LYRM4: variants seen among roughly 807,000 people sequenced by gnomAD.
LYRM4 encodes the protein LYR motif-containing protein 4.
Under a neutral mutation model 11.7 loss-of-function variants are expected in LYRM4, and 9 were observed. That is an observed-to-expected ratio of 0.77 (90% confidence interval 0.46 to 1.34). LYRM4 has a LOEUF of 1.34. LYRM4 is among the 40% of genes most tolerant of loss of function. LYRM4 has a pLI of 0.00. For synonymous variants in LYRM4, 42 were observed against 40.4 expected (o/e 1.04, Z -0.15); for missense variants, 133 against 112.5 (o/e 1.18, Z -0.82).
chr6:5,100,310 C>A (rs533660928), downstream of LYRM4, among the ~76,000 whole-genome samples: 2 of 152,124 alleles, frequency 1.3e-5, no homozygotes, highest in South Asian at 2.1e-4. Context: ...GAAGCCAGGA[C>A]GTATGGAGCC....
chr6:5,232,941 G>A (rs1763327145), intron 1 of LYRM4, among the ~76,000 whole-genome samples: 1 of 152,176 alleles, frequency 6.6e-6, no homozygotes, highest in South Asian at 2.1e-4. Flanking sequence ...ACTTAACTGA[G>A]TTCCATCTTA....
At chr6:5,237,359 C>T (rs536236290) in intron 1 of LYRM4, among the ~76,000 whole-genome samples, 1 of 151,912 alleles carries the variant, frequency 6.6e-6, no homozygotes, top group Non-Finnish European at 1.5e-5. Flanking sequence ...AATCTAACGC[C>T]TGAAGATCTG....
intron 2 of LYRM4, among the ~76,000 whole-genome samples, chr6:5,182,027 C>A (rs138722064): frequency 7.9e-5 from 12 of 152,306 alleles, no homozygotes; most frequent in South Asian, 2.1e-4. Flanking sequence ...TACCTCCCCC[C>A]CAATCCCCAG....
rs564037752 is a variant in LYRM4 at position 5,201,071 on chromosome 6, T to C, written c.207+15547A>G. ...ATCATGGTTGTTTTGAGATTGGTTA[T>C]GGTTTTTCTTTCCAAATATTACAAG... On this transcript the variant is annotated intron_variant, in intron 2 of 2. Transcript: ENST00000330636. Among the ~76,000 whole-genome samples, 4 of 152,354 alleles carry C rather than the reference T, an allele frequency of 2.6e-5. No individual in the cohort carries two copies. The East Asian group carries it at 5.8e-4, about 22-fold the overall frequency.
At chr6:5,107,279 A>G (rs981267198), downstream of LYRM4, 1 of 152,252 alleles carries the variant, frequency 6.6e-6, no homozygotes, top group Non-Finnish European at 1.5e-5. Context: ...GGACTGCCTC[A>G]TTGCGTAAAA....
Position 5,136,496 on chromosome 6 carries a change from C to T in LYRM4, c.208-27005G>A, listed in dbSNP as rs1310068088. 16 of 941,092 alleles carry T rather than the reference C, an allele frequency of 1.7e-5. 1 individual carries two copies. The highest frequency in any genetic ancestry group is 1.1e-3 in the Middle Eastern group (2 of 1,846). 58.3% of individuals were successfully genotyped at this position (941,092 alleles called of 1,614,324 possible). Reference sequence around the variant, plus strand: ...TCCGAAACCTTGGGTTTCACCTAACCCTGTAGTCTCAGTTTCCTTACCTAC... The same window carrying T: ...TCCGAAACCTTGGGTTTCACCTAACTCTGTAGTCTCAGTTTCCTTACCTAC... On this transcript the variant is annotated intron_variant, in intron 2 of 2. Transcript: ENST00000330636.
the LYRM4 span, among the ~76,000 whole-genome samples, chr6:5,058,463 C>T: frequency 6.6e-6 from 1 of 152,228 alleles, no homozygotes; most frequent in African/African-American, 2.4e-5. Flanking sequence ...CACAGGGCCA[C>T]AGAGAGTTGA....
intron 1 of LYRM4, among the ~76,000 whole-genome samples, chr6:5,256,955 A>G (rs1461742750): frequency 6.6e-6 from 1 of 151,906 alleles, no homozygotes; most frequent in Admixed American, 6.6e-5. Flanking sequence ...AGTTCCAACA[A>G]TTTTCCCTTC....
intron 1 of LYRM4, among the ~76,000 whole-genome samples, chr6:5,246,254 G>A (rs574078062): frequency 6.6e-5 from 10 of 152,322 alleles, no homozygotes; most frequent in Admixed American, 6.5e-4. Context: ...GACATGAAGA[G>A]TAGACAGGAA....
intron 2 of LYRM4, among the ~76,000 whole-genome samples, chr6:5,110,792 T>C (rs1171341268): frequency 6.6e-6 from 1 of 152,210 alleles, no homozygotes; most frequent in African/African-American, 2.4e-5. Flanking sequence ...TCTTCAGTCG[T>C]CCTTTCCTCT....
intron 2 of LYRM4, among the ~76,000 whole-genome samples, chr6:5,213,995 G>C (rs71555883): frequency 0.049 from 7,437 of 152,270 alleles, 585 homozygotes; most frequent in African/African-American, 0.16. Flanking sequence ...TGCTCAGAGT[G>C]ACATAGCTAG....
intron 2 of LYRM4, among the ~76,000 whole-genome samples, chr6:5,126,361 T>C (rs1223629670): frequency 1.3e-5 from 2 of 152,116 alleles, no homozygotes; most frequent in African/African-American, 4.8e-5. Flanking sequence ...CCTGGGGAGA[T>C]CGGCAGTGTA....
chr6:5,218,806 T>TA (rs1432766486), intron 1 of LYRM4, among the ~76,000 whole-genome samples: 1 of 152,258 alleles, frequency 6.6e-6, no homozygotes, highest in Admixed American at 6.5e-5. Context: ...GTGCAGCTGC[T>TA]AATCTAACAA....
At chr6:5,086,461 C>T in the LYRM4 span, 4 of 1,536,954 alleles carry the variant, frequency 2.6e-6, no homozygotes, top group Non-Finnish European at 3.5e-6. Context: ...CGTCGCGGTC[C>T]ACTTCGCTGT....
At chr6:5,144,624 CAAAAAAAAAAAAAA>C (rs71540849) in intron 2 of LYRM4, among the ~76,000 whole-genome samples, 4 of 37,598 alleles carry the variant, frequency 1.1e-4, no homozygotes, top group South Asian at 2.0e-3. Flanking sequence ...GACTCCGTCT[CAAAAAAAAAAAAAA>C]AAAAAAAAAA....
At chr6:5,093,355 A>G in the LYRM4 span, among the ~76,000 whole-genome samples, 1 of 152,256 alleles carries the variant, frequency 6.6e-6, no homozygotes, top group Non-Finnish European at 1.5e-5. Context: ...GCCTGGCATG[A>G]CCCATCACTA....
intron 1 of LYRM4, among the ~76,000 whole-genome samples, chr6:5,235,200 T>C (rs1234721963): frequency 1.3e-5 from 2 of 152,114 alleles, no homozygotes; most frequent in Admixed American, 6.6e-5. Flanking sequence ...TGGAGTGCAG[T>C]AGCATGATTT....
the LYRM4 span, among the ~76,000 whole-genome samples, chr6:5,045,098 A>G: frequency 6.6e-6 from 1 of 152,216 alleles, no homozygotes; most frequent in Non-Finnish European, 1.5e-5. Context: ...ATTGCTATGT[A>G]ACAAACCACC....
In LYRM4 at chr6:5,199,279, G is replaced by A. The variant is rs75931275; in HGVS notation, c.207+17339C>T. On this transcript the variant is annotated intron_variant, in intron 2 of 2. Transcript: ENST00000330636. Reference sequence around the variant, plus strand: ...CATGGATGAACCTTGCAAACATTACGCTAAGTGAAAGAGGCCAGTCGTGAA... The same window carrying A: ...CATGGATGAACCTTGCAAACATTACACTAAGTGAAAGAGGCCAGTCGTGAA... 7.2e-3 allele frequency among the ~76,000 whole-genome samples: 1,100 copies of A among 152,298 alleles called. 15 individuals carry two copies. Among genetic ancestry groups the A allele is most frequent in the African/African-American group, 0.024 (1,015 of 41,568 alleles).
Sources: gnomAD v4.1 joint callset for allele counts (sites outside exome capture counted in the v4.1 genomes callset) on GRCh38, gnomAD v4.1.1 for gene constraint, MANE v1.5 for transcripts, NCBI Gene and HGNC (gene_info 2026-07-23, HGNC 2026-07-21) for gene names.